LIPA: variants seen among roughly 807,000 people sequenced by gnomAD.
LIPA encodes the protein lipase A, lysosomal acid type, also known as lysosomal acid lipase/cholesteryl ester hydrolase.
LIPA carries 26 observed loss-of-function variants against 40.6 expected under a neutral mutation model. That is an observed-to-expected ratio of 0.64 (90% CI 0.47 to 0.89). The LOEUF is 0.89. Among genes scored for constraint, LIPA ranks in the 40% least tolerant of loss-of-function variants. The probability of loss-of-function intolerance (pLI) is 0.00; values close to 1 mark genes in which losing one functional copy is unlikely to be tolerated. For synonymous variants in LIPA, 188 were observed against 168.4 expected (o/e 1.12, Z -0.90); for missense variants, 455 against 479.6 (o/e 0.95, Z 0.48).
chr10:89,369,344 C>T (rs902962735), intron 2 of LIPA, among the ~76,000 whole-genome samples: 6 of 152,170 alleles, frequency 3.9e-5, no homozygotes, highest in Non-Finnish European at 7.3e-5. Flanking sequence ...CTTCCCTCTG[C>T]AAGCTTCTAG....
At chr10:89,403,214 G>GAA in intron 2 of LIPA, 1 of 1,614,134 alleles carries the variant, frequency 6.2e-7, no homozygotes, top group Non-Finnish European at 8.5e-7. Context: ...CTAGAGGGCA[G>GAA]AACAGAGAAA....
intron 1 of LIPA, among the ~76,000 whole-genome samples, chr10:89,292,693 C>G (rs924639823): frequency 1.3e-5 from 2 of 152,182 alleles, no homozygotes; most frequent in African/African-American, 4.8e-5. Flanking sequence ...TAGTCACGTT[C>G]TGTCACACAG....
At chr10:89,368,016 G>T (rs1844071498) in intron 2 of LIPA, among the ~76,000 whole-genome samples, 1 of 151,962 alleles carries the variant, frequency 6.6e-6, no homozygotes, top group Non-Finnish European at 1.5e-5. Flanking sequence ...GTAGAGTTAG[G>T]TCTCACTATG....
At chr10:89,363,804 C>T (rs542017299) in intron 2 of LIPA, among the ~76,000 whole-genome samples, 5 of 140,514 alleles carry the variant, frequency 3.6e-5, no homozygotes, top group South Asian at 2.2e-4. Flanking sequence ...CGAGGGGGGG[C>T]GGGTGTGGCT....
At chr10:89,227,103 C>T in intron 4 of LIPA, 99 bp from the exon 5 acceptor site, 5 of 815,670 alleles carry the variant, frequency 6.1e-6, no homozygotes, top group Middle Eastern at 4.8e-4. Context: ...AAACTAAACA[C>T]AGCTGGGAAA....
intron 3 of LIPA, among the ~76,000 whole-genome samples, chr10:89,231,042 T>A (rs1490081721): frequency 6.6e-6 from 1 of 152,174 alleles, no homozygotes; most frequent in Admixed American, 6.5e-5. Context: ...ATCCACTTGG[T>A]ATAATAATTA....
intron 2 of LIPA, among the ~76,000 whole-genome samples, chr10:89,411,790 C>T (rs1841470833): frequency 6.6e-6 from 1 of 152,138 alleles, no homozygotes; most frequent in Non-Finnish European, 1.5e-5. Flanking sequence ...GCACGAGATG[C>T]CACCCGGTGT....
intron 1 of LIPA, among the ~76,000 whole-genome samples, chr10:89,291,654 T>C (rs150603928): frequency 7.1e-4 from 108 of 152,298 alleles, no homozygotes; most frequent in African/African-American, 2.6e-3. Flanking sequence ...CTGAGTGCAA[T>C]GATTCCTTGA....
chr10:89,338,452 A>G (rs1843783494), intron 1 of LIPA, among the ~76,000 whole-genome samples: 2 of 152,232 alleles, frequency 1.3e-5, no homozygotes, highest in African/African-American at 2.4e-5. Context: ...ATGCCCACCC[A>G]TACTGGGGAG....
chr10:89,275,053 TAATA>T (rs1251990765), intron 1 of LIPA, among the ~76,000 whole-genome samples: 1 of 152,252 alleles, frequency 6.6e-6, no homozygotes, highest in Non-Finnish European at 1.5e-5. Flanking sequence ...CGGGGCTTTA[TAATA>T]AATAATGTCT....
intron 1 of LIPA, chr10:89,339,319 AAAG>A: frequency 6.2e-7 from 1 of 1,613,800 alleles, no homozygotes; most frequent in Non-Finnish European, 8.5e-7. Context: ...GAAGATGAAT[AAAG>A]AAGCTGAAGG....
At chr10:89,411,114 C>T (rs1236112753) in intron 2 of LIPA, among the ~76,000 whole-genome samples, 2 of 152,212 alleles carry the variant, frequency 1.3e-5, no homozygotes, top group African/African-American at 4.8e-5. Context: ...AGGGCGTAGC[C>T]TGAAAGCACT....
chr10:89,276,185 T>A (rs1007770027), intron 1 of LIPA, among the ~76,000 whole-genome samples: 1 of 152,190 alleles, frequency 6.6e-6, no homozygotes, highest in Non-Finnish European at 1.5e-5. Flanking sequence ...GCACTTGAAC[T>A]ACCTGCAGAG....
intron 2 of LIPA, chr10:89,378,190 T>A (rs774008355): frequency 1.2e-6 from 2 of 1,607,780 alleles, no homozygotes; most frequent in South Asian, 1.1e-5. Flanking sequence ...ACTTTGAAAT[T>A]CTAAAACTTT....
At chr10:89,380,242 C>G (rs118109669) in intron 2 of LIPA, among the ~76,000 whole-genome samples, 1 of 152,092 alleles carries the variant, frequency 6.6e-6, no homozygotes, top group African/African-American at 2.4e-5. Flanking sequence ...CATCAAAATC[C>G]TCCTGATCCC....
chr10:89,383,247 G>A, intron 2 of LIPA: 1 of 1,334,102 alleles, frequency 7.5e-7, no homozygotes, highest in South Asian at 1.3e-5. Context: ...TTGACTATTT[G>A]AAGTGCTGGC....
chr10:89,272,798 G>A (rs764648171), intron 1 of LIPA, among the ~76,000 whole-genome samples: 38 of 152,332 alleles, frequency 2.5e-4, no homozygotes, highest in African/African-American at 2.6e-4. Context: ...TGTGACTGGC[G>A]TGAGATGATA....
Position 89,392,471 on chromosome 10 carries a change from A to ACGC in LIPA, c.61+20319_61+20320insGCG, listed in dbSNP as rs796843373. ...AAATAGAAACAAAGTTTCATTCCCC[A>ACGC]CCCCCCCCCGTCAGCAGGAATTCCG... On this transcript the variant is annotated intron_variant, in intron 2 of 8. Transcript: ENST00000371837. The ACGC allele has an allele frequency of 1.7e-3, 224 of 131,680 alleles. 2 individuals carry two copies. Among genetic ancestry groups the ACGC allele is most frequent in the African/African-American group, 6.3e-3 (220 of 34,950 alleles). 8.2% of individuals were successfully genotyped at this position (131,680 alleles called of 1,614,324 possible).
intron 2 of LIPA, among the ~76,000 whole-genome samples, chr10:89,380,250 C>G (rs116793584): frequency 0.019 from 2,956 of 152,162 alleles, 43 homozygotes; most frequent in African/African-American, 0.037. Flanking sequence ...TCCTCCTGAT[C>G]CCACTGGTTC....
Sources: gnomAD v4.1 joint callset for allele counts (sites outside exome capture counted in the v4.1 genomes callset) on GRCh38, gnomAD v4.1.1 for gene constraint, MANE v1.5 for transcripts, NCBI Gene and HGNC (gene_info 2026-07-23, HGNC 2026-07-21) for gene names.